Variants in RAC2 observed in about 807,000 individuals in gnomAD.
RAC2 encodes the protein Rac family small GTPase 2.
Under a neutral mutation model 24.0 loss-of-function variants are expected in RAC2, and 1 was observed. The observed-to-expected ratio is 0.04, with a 90% CI of 0.01 to 0.20. The LOEUF is 0.20. RAC2 is among the 10% of genes least tolerant of loss of function. The probability of loss-of-function intolerance (pLI) is 1.00; values close to 1 mark genes in which losing one functional copy is unlikely to be tolerated. For synonymous variants in RAC2, 114 were observed against 106.8 expected, an observed-to-expected ratio of 1.07 and a Z score of -0.41; for missense variants, 130 against 259.1, an observed-to-expected ratio of 0.50 and a Z score of 3.42.
chr22:37,244,261 G>A lies in RAC2; in HGVS notation c.-113C>T. 2.4e-6 allele frequency: 3 copies of A among 1,229,680 alleles called. No homozygotes were observed. The highest frequency in any genetic ancestry group is 1.2e-6 in the Non-Finnish European group (1 of 856,258). The allele number at this position is 1,229,680 out of a possible 1,614,324, so 76.2% of individuals were successfully genotyped here. A position where few individuals can be genotyped will look rare whatever the true frequency, so the allele number is the denominator to read the frequency against. On this transcript the variant is annotated 5_prime_UTR_variant, in exon 1 of 7. Transcript: ENST00000249071. The stretch of plus-strand genomic sequence containing the variant: ...CGCCTGCTGAGGAGCAGCGGTGGTG[G>A]GGCAGGAGGAAACGGAAGGGGAACT...
intron 2 of RAC2, among the ~76,000 whole-genome samples, chr22:37,233,243 C>G (rs918835088): frequency 3.3e-5 from 5 of 152,022 alleles, no homozygotes; most frequent in African/African-American, 1.2e-4. Flanking sequence ...TACCTCTCTC[C>G]CTATGCTGCC....
intron 2 of RAC2, among the ~76,000 whole-genome samples, chr22:37,237,578 A>G (rs1247191254): frequency 6.6e-6 from 1 of 152,192 alleles, no homozygotes; most frequent in African/African-American, 2.4e-5. Context: ...CATCCTGTCC[A>G]CTGGAATCCC....
Position 37,231,191 on chromosome 22 carries a change from C to G in RAC2, c.448+40G>C. 1 of 1,611,170 alleles carries G rather than the reference C, an allele frequency of 6.2e-7. No homozygotes were observed. On this transcript the variant is annotated intron_variant, in intron 5 of 6. Transcript: ENST00000249071. The surrounding 1 kb of genome is among the most constrained non-coding windows in gnomAD (Gnocchi z 5.5). Reference sequence around the variant, plus strand: ...CACCACGAGGCCAAGTCAGGGCCTCCCCTGCAGCCAGATCGCCCCTCTGAG... The same window carrying G: ...CACCACGAGGCCAAGTCAGGGCCTCGCCTGCAGCCAGATCGCCCCTCTGAG...
chr22:37,241,582 C>T lies in RAC2; in HGVS notation c.107+5G>A. ...CCACCACCCCACATATCCCCAGGAA[C>T]TCACACGGTGGGGATGTACTCTCCG... is the stretch of plus-strand genomic sequence containing the variant. On this transcript the variant is annotated splice_donor_5th_base_variant and intron_variant, in intron 2 of 6. Coordinates refer to ENST00000249071, the MANE Select transcript of RAC2 (RefSeq NM_002872.5). 1.2e-6 allele frequency: 2 copies of T among 1,611,454 alleles called. No individual in the cohort carries two copies. Among genetic ancestry groups the T allele is most frequent in the Non-Finnish European group, 1.7e-6 (2 of 1,177,564 alleles).
intron 2 of RAC2, among the ~76,000 whole-genome samples, chr22:37,237,721 G>A (rs539297579): frequency 8.0e-4 from 122 of 152,190 alleles, no homozygotes; most frequent in African/African-American, 2.8e-3. Context: ...CCCCGGGGTC[G>A]GGGAGGCAGT....
At chr22:37,227,629 C>T (rs1468354008) in intron 5 of RAC2, among the ~76,000 whole-genome samples, 1 of 142,718 alleles carries the variant, frequency 7.0e-6, no homozygotes, top group South Asian at 2.4e-4. Flanking sequence ...CGCCATACAC[C>T]CCTCCTATGC....
intron 2 of RAC2, chr22:37,240,916 A>G (rs990308050): frequency 3.0e-6 from 2 of 665,832 alleles, no homozygotes; most frequent in Non-Finnish European, 5.6e-6. Context: ...GAGGAGGCAG[A>G]GTGTGAAGCA....
chr22:37,244,069 G>C (rs374723131), intron 1 of RAC2, 45 bp downstream of exon 1: 31 of 1,612,970 alleles, frequency 1.9e-5, no homozygotes, highest in Non-Finnish European at 2.5e-5. Flanking sequence ...AGGATCTCAG[G>C]GCATCCCAGT....
chr22:37,239,412 T>C (rs1427634994), intron 2 of RAC2, among the ~76,000 whole-genome samples: 1 of 152,166 alleles, frequency 6.6e-6, no homozygotes, highest in Non-Finnish European at 1.5e-5. Context: ...TGGGATACCT[T>C]CACCCAATCC....
chr22:37,232,016 T>C lies in RAC2; in HGVS notation c.226-22A>G, dbSNP rs112257772. 6 of 1,427,772 alleles carry C rather than the reference T, an allele frequency of 4.2e-6. No homozygotes were observed. In the African/African-American group the frequency reaches 6.0e-5, roughly 14 times the overall value. 88.4% of individuals were successfully genotyped at this position (1,427,772 alleles called of 1,614,324 possible). On this transcript the variant is annotated intron_variant, in intron 3 of 6. Coordinates refer to ENST00000249071, the MANE Select transcript of RAC2 (RefSeq NM_002872.5). ...CGTCCTGGGGACAGAGCAAGCGAGG[T>C]TGCTAGTGAGGAGGGCCCAGAGGTG...
chr22:37,235,139 G>A (rs1927186837), intron 2 of RAC2, among the ~76,000 whole-genome samples: 1 of 152,080 alleles, frequency 6.6e-6, no homozygotes, highest in South Asian at 2.1e-4. Context: ...CTCAATGTTA[G>A]GCTGCAGAAG....
In RAC2 at chr22:37,231,150, C is replaced by G; in HGVS notation, c.448+81G>C. 1.3e-6 allele frequency: 2 copies of G among 1,537,976 alleles called. No individual in the cohort carries two copies. Among genetic ancestry groups the G allele is most frequent in the Admixed American group, 1.7e-5 (1 of 59,722 alleles). On this transcript the variant is annotated intron_variant, in intron 5 of 6. Coordinates refer to ENST00000249071, the MANE Select transcript of RAC2 (RefSeq NM_002872.5). This position sits in a 1 kb window ranked among gnomAD's most constrained non-coding sequence, Gnocchi z 5.5. The stretch of plus-strand genomic sequence containing the variant: ...CAAACTGCACAGCCTGGCCCTGCAG[C>G]CCGTGTTTACAATCACACCACGAGG...
intron 2 of RAC2, among the ~76,000 whole-genome samples, chr22:37,237,378 G>A (rs904525895): frequency 1.1e-4 from 17 of 152,102 alleles, no homozygotes; most frequent in Middle Eastern, 3.2e-3. Flanking sequence ...GAGGTGTCAC[G>A]GGGCAGGGAG....
Position 37,231,320 on chromosome 22 carries a change from C to T in RAC2, c.359G>A (p.Arg120Gln), listed in dbSNP as rs1927053783. The T allele has an allele frequency of 1.2e-6, 2 of 1,614,152 alleles. No individual in the cohort carries two copies. Among genetic ancestry groups the T allele is most frequent in the Non-Finnish European group, 1.7e-6 (2 of 1,180,038 alleles). Residue 120 changes from arginine to glutamine, a missense_variant, in exon 5 of 7, where the codon CGG becomes CAG. This residue lies in a region of RAC2 where 119 missense variants were observed against 192.1 expected (regional missense o/e 0.62). Transcript: ENST00000249071. This position sits in a 1 kb window ranked among gnomAD's most constrained non-coding sequence, Gnocchi z 5.5. Reference sequence around the variant, plus strand: ...TTTCTCGATGGTGTCCTTGTCGTCCCGCAGGTCCAGCTTGGTGCCCACCAG... The same window carrying T: ...TTTCTCGATGGTGTCCTTGTCGTCCTGCAGGTCCAGCTTGGTGCCCACCAG... ...IILVGTKLDL[R>Q]DDKDTIEKLK...
At chr22:37,241,702 C>G in intron 1 of RAC2, 44 bp from the exon 2 acceptor site, 4 of 1,561,306 alleles carry the variant, frequency 2.6e-6, no homozygotes, top group Non-Finnish European at 3.5e-6. Flanking sequence ...ATGGGCTCTG[C>G]CGGAGACGTG....
intron 5 of RAC2, among the ~76,000 whole-genome samples, chr22:37,228,301 C>A (rs971571196): frequency 6.6e-6 from 1 of 152,206 alleles, no homozygotes; most frequent in African/African-American, 2.4e-5. Flanking sequence ...ACATGAAGAC[C>A]CCTCAGGGCT....
chr22:37,241,793 G>C, intron 1 of RAC2, 135 bp from the exon 2 acceptor site: 2 of 765,930 alleles, frequency 2.6e-6, no homozygotes, highest in South Asian at 2.8e-5. Flanking sequence ...CCCCATGTGA[G>C]ATGCCCCCTG....
At chr22:37,230,928 A>G (rs1382920526) in intron 5 of RAC2, among the ~76,000 whole-genome samples, 1 of 152,160 alleles carries the variant, frequency 6.6e-6, no homozygotes, top group Admixed American at 6.5e-5. Context: ...TAGGACGACT[A>G]CTACTAACAC....
chr22:37,236,132 G>C (rs1927214817), intron 2 of RAC2, among the ~76,000 whole-genome samples: 1 of 152,190 alleles, frequency 6.6e-6, no homozygotes, highest in Admixed American at 6.5e-5. Context: ...TCTCTTTAAT[G>C]TGGAGGGGAA....
Sources: gnomAD v4.1 joint callset for allele counts (sites outside exome capture counted in the v4.1 genomes callset) on GRCh38, gnomAD v4.1.1 for gene constraint, gnomAD v4.1.1 regional missense constraint, Gnocchi (gnomAD v3.1) non-coding constraint, MANE v1.5 for transcripts, NCBI Gene and HGNC (gene_info 2026-07-23, HGNC 2026-07-21) for gene names.